Variants in DPY19L2 observed in about 807,000 individuals in gnomAD.
The protein encoded by DPY19L2 is dpy-19 like 2.
In DPY19L2, 34 loss-of-function variants were observed where a neutral mutation model predicts 97.9. That is an observed-to-expected ratio of 0.35 (90% CI 0.26 to 0.46). DPY19L2 has a LOEUF of 0.46. DPY19L2 is among the 20% of genes least tolerant of loss of function. DPY19L2 has a pLI of 1.00. For missense variants in DPY19L2, 623 were observed against 911.4 expected (o/e 0.68, Z 4.07); for synonymous variants, 230 against 307.9 (o/e 0.75, Z 2.65).
chr12:63,657,771 C>G (rs1316761780), intron 4 of DPY19L2, among the ~76,000 whole-genome samples: 1 of 152,130 alleles, frequency 6.6e-6, no homozygotes, highest in Admixed American at 6.6e-5. Context: ...TAAATACTTC[C>G]CCAATCTTCC....
At chr12:63,625,750 G>A (rs1344566909) in intron 7 of DPY19L2, among the ~76,000 whole-genome samples, 1 of 152,092 alleles carries the variant, frequency 6.6e-6, no homozygotes, top group Non-Finnish European at 1.5e-5. Flanking sequence ...TGTCAGGCCT[G>A]AGGCCTCTTT....
chr12:63,618,280 T>C (rs1410247585), intron 9 of DPY19L2, 52 bp from the exon 10 acceptor site: 3 of 746,416 alleles, frequency 4.0e-6, no homozygotes, highest in Admixed American at 6.2e-5. Context: ...AAACTAACAC[T>C]TTACTATTCA....
chr12:63,577,005 G>A (rs982168490), intron 19 of DPY19L2, among the ~76,000 whole-genome samples: 2 of 151,980 alleles, frequency 1.3e-5, no homozygotes, highest in African/African-American at 4.8e-5. Flanking sequence ...GAACAAAACT[G>A]AAGGAATCAC....
At chr12:63,629,445 C>G (rs866267840) in intron 6 of DPY19L2, among the ~76,000 whole-genome samples, 1 of 152,070 alleles carries the variant, frequency 6.6e-6, no homozygotes, top group Admixed American at 6.5e-5. Context: ...CCAATTCGAT[C>G]AACTGGAAGA....
At chr12:63,599,580 G>A (rs1395439343) in intron 13 of DPY19L2, among the ~76,000 whole-genome samples, 2 of 151,994 alleles carry the variant, frequency 1.3e-5, no homozygotes, top group Admixed American at 1.3e-4. Flanking sequence ...GGCCCTAATT[G>A]GATAGCATTA....
Position 63,646,279 on chromosome 12 carries a change from G to C in DPY19L2, c.709+966C>G, listed in dbSNP as rs149393120. 2.0e-5 allele frequency among the ~76,000 whole-genome samples: 3 copies of C among 152,142 alleles called. No individual in the cohort carries two copies. In the East Asian group the frequency reaches 5.8e-4, roughly 29 times the overall value. On this transcript the variant is annotated intron_variant, in intron 5 of 21. Transcript: ENST00000324472. ...AATGTAACTAATACCATACTTAGGTGATCATTTTCACCACTCAGACAGGGT... is the reference window on the plus strand; with the variant it reads ...AATGTAACTAATACCATACTTAGGTCATCATTTTCACCACTCAGACAGGGT...
chr12:63,641,814 A>G (rs556198842), intron 6 of DPY19L2, among the ~76,000 whole-genome samples: 6 of 152,252 alleles, frequency 3.9e-5, no homozygotes, highest in Non-Finnish European at 7.4e-5. Context: ...TTGGGAATAT[A>G]TACTTTAAAT....
chr12:63,602,817 C>T (rs569513264), intron 12 of DPY19L2, among the ~76,000 whole-genome samples: 3 of 152,014 alleles, frequency 2.0e-5, no homozygotes, highest in Non-Finnish European at 2.9e-5. Context: ...CAAGTATAGA[C>T]GTTATTTAAA....
At chr12:63,623,834 A>C in intron 8 of DPY19L2, 1 of 398,920 alleles carries the variant, frequency 2.5e-6, no homozygotes, top group Non-Finnish European at 4.8e-6. Context: ...CCTCCCAAGT[A>C]GCTGGGATGA....
intron 6 of DPY19L2, among the ~76,000 whole-genome samples, chr12:63,626,874 G>C (rs562300233): frequency 6.6e-6 from 1 of 152,084 alleles, no homozygotes; most frequent in Non-Finnish European, 1.5e-5. Flanking sequence ...CGCCTCCTGG[G>C]TTCCAACGAT....
At chr12:63,589,807 A>G (rs1882566017) in intron 16 of DPY19L2, among the ~76,000 whole-genome samples, 1 of 152,290 alleles carries the variant, frequency 6.6e-6, no homozygotes, top group Non-Finnish European at 1.5e-5. Context: ...CATAAGAGAC[A>G]AAATGTTACG....
intron 16 of DPY19L2, chr12:63,584,217 A>G: frequency 6.4e-6 from 1 of 156,442 alleles, no homozygotes; most frequent in African/African-American, 2.4e-5. Flanking sequence ...ATTTTTCACA[A>G]TTACAAATAA....
rs575398481 is a variant in DPY19L2, at chr12:63,578,839, G to A, written c.1900+1823C>T. Among the ~76,000 whole-genome samples, 3 of 152,140 alleles carry A rather than the reference G, an allele frequency of 2.0e-5. No homozygotes were observed. In the East Asian group the frequency reaches 5.8e-4, roughly 29 times the overall value. On this transcript the variant is annotated intron_variant, in intron 19 of 21. Coordinates refer to ENST00000324472, the MANE Select transcript of DPY19L2 (RefSeq NM_173812.5). Reference sequence around the variant, plus strand: ...CTAGGGAGCACTATCAACTTCTGGAGACACTTTTCGATGTCATGCTATGGG... The same window carrying A: ...CTAGGGAGCACTATCAACTTCTGGAAACACTTTTCGATGTCATGCTATGGG...
intron 8 of DPY19L2, chr12:63,623,792 C>T (rs1250291814): frequency 1.2e-5 from 4 of 342,970 alleles, no homozygotes; most frequent in African/African-American, 8.5e-5. Context: ...GCAACCTCCA[C>T]CTCCTGGGTT....
At chr12:63,655,962 T>C (rs1894916979) in intron 4 of DPY19L2, among the ~76,000 whole-genome samples, 1 of 152,186 alleles carries the variant, frequency 6.6e-6, no homozygotes, top group Non-Finnish European at 1.5e-5. Flanking sequence ...CCATTGTGTC[T>C]AGTGGCATGA....
intron 4 of DPY19L2, among the ~76,000 whole-genome samples, chr12:63,648,163 G>GAGC (rs1893690174): frequency 1.3e-5 from 2 of 152,100 alleles, no homozygotes; most frequent in Non-Finnish European, 2.9e-5. Context: ...TGGAAGCAGA[G>GAGC]AGCAGCCTTC....
chr12:63,608,770 G>A (rs1462280036), intron 11 of DPY19L2, 95 bp from the exon 12 acceptor site: 3 of 700,366 alleles, frequency 4.3e-6, no homozygotes, highest in Non-Finnish European at 7.0e-6. Flanking sequence ...TAGCCACCCT[G>A]TTCCATCTCA....
In DPY19L2 at chr12:63,657,608, C is replaced by T. The variant is rs534450416; in HGVS notation, c.588+3736G>A. Among the ~76,000 whole-genome samples, 62 of 152,040 alleles carry T rather than the reference C, an allele frequency of 4.1e-4. 2 individuals carry two copies. The South Asian group carries it at 0.012, about 29-fold the overall frequency. ...TTTCACCAGCTTCACTGGATACCCA[C>T]CAGTGTCCTCAGACAATGGGTTTGA... is the stretch of plus-strand genomic sequence containing the variant. On this transcript the variant is annotated intron_variant, in intron 4 of 21. Coordinates refer to ENST00000324472, the MANE Select transcript of DPY19L2 (RefSeq NM_173812.5).
intron 21 of DPY19L2, 105 bp from the exon 22 acceptor site, chr12:63,560,767 T>G: frequency 7.0e-7 from 1 of 1,426,010 alleles, no homozygotes. Flanking sequence ...TTTCATAAGT[T>G]AAATATTTTA....
Sources: allele counts gnomAD v4.1 joint callset (sites outside exome capture counted in the v4.1 genomes callset), GRCh38; gene constraint gnomAD v4.1.1; transcripts MANE v1.5; gene names NCBI Gene and HGNC (gene_info 2026-07-23, HGNC 2026-07-21).